Variants in TFDP2 observed in about 807,000 individuals in gnomAD.
TFDP2 encodes transcription factor Dp-2 (E2F dimerization partner 2).
A neutral mutation model predicts 59.3 loss-of-function variants in TFDP2; 17 were observed. The ratio of observed to expected loss-of-function variants is 0.29; its 90% confidence interval spans 0.20 to 0.43. TFDP2 has a LOEUF of 0.43. TFDP2 is among the 20% of genes least tolerant of loss of function. The pLI is 1.00. For synonymous variants in TFDP2, 180 were observed against 194.7 expected, an observed-to-expected ratio of 0.92 and a Z score of 0.63; for missense variants, 391 against 528.8, an observed-to-expected ratio of 0.74 and a Z score of 2.56.
rs1311806420 is a variant in TFDP2, at chr3:141,953,036, C to G, written c.1052-20G>C. 2 of 1,581,154 alleles carry G rather than the reference C, an allele frequency of 1.3e-6. No individual in the cohort carries two copies. Among genetic ancestry groups the G allele is most frequent in the African/African-American group, 1.4e-5 (1 of 73,940 alleles). ...AGATATCTAAAGGAAAAAATGAGAA[C>G]AAAAAATGTCGGTCCTGCAAGTTCT... On this transcript the variant is annotated intron_variant, in intron 11 of 12. Transcript: ENST00000489671.
intron 1 of TFDP2, chr3:142,145,433 A>G (rs1293196986): frequency 6.6e-6 from 1 of 152,234 alleles, no homozygotes; most frequent in African/African-American, 2.4e-5. Context: ...GTTTGTGAAC[A>G]CTTAGAAAAA....
At chr3:142,015,027 CTT>C (rs1266393084) in intron 3 of TFDP2, among the ~76,000 whole-genome samples, 1 of 152,150 alleles carries the variant, frequency 6.6e-6, no homozygotes, top group Non-Finnish European at 1.5e-5. Context: ...TCCATCTACT[CTT>C]GACACTTTTT....
intron 3 of TFDP2, among the ~76,000 whole-genome samples, chr3:142,029,424 T>C (rs568600279): frequency 4.0e-5 from 6 of 150,568 alleles, no homozygotes; most frequent in Non-Finnish European, 7.4e-5. Flanking sequence ...TAAGTACCTT[T>C]CTCCATTTTC....
rs1351073805 is a variant in TFDP2 at position 142,121,721 on chromosome 3, T to A, written c.-92-19880A>T. 6.6e-6 allele frequency among the ~76,000 whole-genome samples: 1 copy of A among 151,902 alleles called. No homozygotes were observed. The highest frequency in any genetic ancestry group is 1.5e-5 in the Non-Finnish European group (1 of 67,958). ...GTAGCATATGATTAGGATATGAAGT[T>A]TAAAAAAGGCTCACACCTGTAATCC... On this transcript the variant is annotated intron_variant, in intron 1 of 12. Coordinates refer to ENST00000489671, the MANE Select transcript of TFDP2 (RefSeq NM_001178139.2). The surrounding 1 kb of genome is among the most constrained non-coding windows in gnomAD (Gnocchi z 4.3).
At chr3:141,992,428 T>G (rs1430639293) in intron 6 of TFDP2, among the ~76,000 whole-genome samples, 1 of 152,206 alleles carries the variant, frequency 6.6e-6, no homozygotes, top group Non-Finnish European at 1.5e-5. Context: ...AATCTTGGTT[T>G]TTGTACTGTT....
intron 6 of TFDP2, among the ~76,000 whole-genome samples, chr3:141,990,919 A>G (rs186513538): frequency 2.3e-4 from 35 of 152,226 alleles, no homozygotes; most frequent in Admixed American, 7.9e-4. Flanking sequence ...TTAGCCGGGC[A>G]TGGTGGCACA....
rs1487469472 is a variant in TFDP2 at position 141,945,907 on chromosome 3, G to A, written c.*6606C>T. 6.6e-6 allele frequency: 1 copy of A among 152,230 alleles called. No individual in the cohort carries two copies. Among genetic ancestry groups the A allele is most frequent in the African/African-American group, 2.4e-5 (1 of 41,440 alleles). 9.4% of individuals were successfully genotyped at this position (152,230 alleles called of 1,614,324 possible). A position where few individuals can be genotyped will look rare whatever the true frequency, so the allele number is the denominator to read the frequency against. On this transcript the variant is annotated 3_prime_UTR_variant, in exon 13 of 13. Transcript: ENST00000489671. ...GACCAGTTGGTCACTGAACTTCTTG[G>A]GCCCCTGCCAATGGCCAGCATGGGG... is the stretch of plus-strand genomic sequence containing the variant.
In TFDP2 at chr3:141,970,865, C is replaced by T. The variant is rs141806483; in HGVS notation, c.664-724G>A. Among the ~76,000 whole-genome samples, 4 of 151,826 alleles carry T rather than the reference C, an allele frequency of 2.6e-5. No homozygotes were observed. In the East Asian group the frequency reaches 5.8e-4, roughly 22 times the overall value. On this transcript the variant is annotated intron_variant, in intron 8 of 12. Coordinates refer to ENST00000489671, the MANE Select transcript of TFDP2 (RefSeq NM_001178139.2). ...TCACTTGAGATCAGGAGTTTGAGAC[C>T]AGTCTGGCCAACATGGCGAAACCCT...
At chr3:141,987,395 C>T (rs1488720911) in intron 6 of TFDP2, among the ~76,000 whole-genome samples, 1 of 151,530 alleles carries the variant, frequency 6.6e-6, no homozygotes, top group Non-Finnish European at 1.5e-5. Flanking sequence ...AATTCTCCTG[C>T]CTCAGCCTCC....
At chr3:142,118,625 G>C (rs2061928871) in intron 1 of TFDP2, among the ~76,000 whole-genome samples, 1 of 152,040 alleles carries the variant, frequency 6.6e-6, no homozygotes, top group Non-Finnish European at 1.5e-5. Flanking sequence ...TTTTTATTTT[G>C]CTTTACTTTG....
At chr3:142,027,242 G>T (rs56739677) in intron 3 of TFDP2, among the ~76,000 whole-genome samples, 6,309 of 150,638 alleles carry the variant, frequency 0.042, 442 homozygotes, top group African/African-American at 0.14. Flanking sequence ...TTAAATATTG[G>T]GTATGTTACT....
chr3:142,092,919 C>T (rs2061045052), intron 3 of TFDP2, 142 bp downstream of exon 3: 1 of 547,680 alleles, frequency 1.8e-6, no homozygotes, highest in Non-Finnish European at 3.0e-6. Flanking sequence ...GACTTTCATA[C>T]AGCACAAGTT....
At chr3:142,073,587 G>A (rs1262999050) in intron 3 of TFDP2, among the ~76,000 whole-genome samples, 2 of 151,362 alleles carry the variant, frequency 1.3e-5, no homozygotes, top group Admixed American at 1.3e-4. Context: ...GGCACTGAAA[G>A]CGTATGCCCT....
chr3:142,089,506 G>A (rs1032222920), intron 3 of TFDP2, among the ~76,000 whole-genome samples: 2 of 152,108 alleles, frequency 1.3e-5, no homozygotes, highest in Non-Finnish European at 2.9e-5. Context: ...TTGCTTAAAA[G>A]GGTTTAATTA....
chr3:141,954,576 G>A (rs1559910647), intron 11 of TFDP2, among the ~76,000 whole-genome samples: 2 of 151,904 alleles, frequency 1.3e-5, no homozygotes, highest in Non-Finnish European at 1.5e-5. Flanking sequence ...GGCGGAGGTT[G>A]CAGTGAGCTG....
At chr3:142,051,923 C>T (rs1022257028) in intron 3 of TFDP2, among the ~76,000 whole-genome samples, 1 of 151,716 alleles carries the variant, frequency 6.6e-6, no homozygotes, top group Middle Eastern at 3.2e-3. Context: ...CCCAAGAGTT[C>T]GAGACCAGCC....
At position 141,954,085 on chromosome 3, in the gene TFDP2, G is replaced by A. The variant is rs370716455; in HGVS notation, c.1052-1069C>T. The stretch of plus-strand genomic sequence containing the variant: ...TGAGGCAGGAGAATCACTTGAACCC[G>A]GGAGGCGGAGGTTGCAGTGAGCTGA... On this transcript the variant is annotated intron_variant, in intron 11 of 12. Coordinates refer to ENST00000489671, the MANE Select transcript of TFDP2 (RefSeq NM_001178139.2). 3.5e-3 allele frequency among the ~76,000 whole-genome samples: 530 copies of A among 150,982 alleles called. 4 individuals are homozygous for A. The highest frequency in any genetic ancestry group is 0.012 in the African/African-American group (494 of 41,168).
At chr3:142,049,184 G>A (rs761867698) in intron 3 of TFDP2, among the ~76,000 whole-genome samples, 9 of 152,018 alleles carry the variant, frequency 5.9e-5, no homozygotes, top group Non-Finnish European at 1.2e-4. Context: ...AGTAAACTAC[G>A]GCCCAATATC....
intron 1 of TFDP2, among the ~76,000 whole-genome samples, chr3:142,142,786 G>A (rs2063005546): frequency 1.3e-5 from 2 of 152,162 alleles, no homozygotes; most frequent in Non-Finnish European, 2.9e-5. Flanking sequence ...AGAGAATCCA[G>A]AAACAAATCC....
Sources: allele counts gnomAD v4.1 joint callset (sites outside exome capture counted in the v4.1 genomes callset), GRCh38; gene constraint gnomAD v4.1.1; non-coding constraint Gnocchi (gnomAD v3.1); transcripts MANE v1.5; gene names NCBI Gene and HGNC (gene_info 2026-07-23, HGNC 2026-07-21).